HBB: variants seen among roughly 807,000 people sequenced by gnomAD.
The protein encoded by HBB is hemoglobin subunit beta.
A neutral mutation model predicts 9.7 loss-of-function variants in HBB; 18 were observed. The observed-to-expected ratio is 1.86, with a 90% CI of 1.28 to 2.76. HBB has a LOEUF of 2.76. Ranked by LOEUF, HBB falls within the 30% of genes most tolerant of loss-of-function variation. HBB has a pLI of 0.00. For synonymous variants in HBB, 99 were observed against 73.6 expected (o/e 1.35, Z -1.77); for missense variants, 156 against 177.0 (o/e 0.88, Z 0.67).
At chr11:5,225,782 C>T in intron 2 of HBB, 56 bp from the exon 3 acceptor site, 1 of 1,591,624 alleles carries the variant, frequency 6.3e-7, no homozygotes, top group Non-Finnish European at 8.6e-7. Flanking sequence ...CTAGCTTGGA[C>T]TCAGAATAAT....
In HBB at chr11:5,226,817, G is replaced by A. The variant is rs777028217; in HGVS notation, c.93-18C>T. On this transcript the variant is annotated intron_variant, in intron 1 of 2. Coordinates refer to ENST00000335295, the MANE Select transcript of HBB (RefSeq NM_000518.5). ...CCAGCAGCCTAAGGGTGGGAAAATA[G>A]ACCAATAGGCAGAGAGAGTCAGTGC... 28 of 1,610,306 alleles carry A rather than the reference G, an allele frequency of 1.7e-5. No homozygotes were observed. The highest frequency in any genetic ancestry group is 2.2e-5 in the Non-Finnish European group (26 of 1,176,706).
In HBB at chr11:5,227,070, G is replaced by A; in HGVS notation, c.-49C>T. On this transcript the variant is annotated 5_prime_UTR_variant, in exon 1 of 3. Coordinates refer to ENST00000335295, the MANE Select transcript of HBB (RefSeq NM_000518.5). ...GAACACAGTTGTGTCAGAAGCAAAT[G>A]TAAGCAATAGATGGCTCTGCCCTGA... 1.6e-6 allele frequency: 2 copies of A among 1,231,010 alleles called. No homozygotes were observed. The highest frequency in any genetic ancestry group is 2.4e-6 in the Non-Finnish European group (2 of 829,492). 76.3% of individuals were successfully genotyped at this position (1,231,010 alleles called of 1,614,324 possible).
Position 5,227,039 on chromosome 11 carries a change from G to A in HBB, c.-18C>T, listed in dbSNP as rs34135787. The A allele has an allele frequency of 6.7e-7, 1 of 1,498,848 alleles. No homozygotes were observed. Among genetic ancestry groups the A allele is most frequent in the African/African-American group, 1.4e-5 (1 of 72,640 alleles). The allele number at this position is 1,498,848 out of a possible 1,614,324, so 92.8% of individuals were successfully genotyped here. A position where few individuals can be genotyped will look rare whatever the true frequency, so the allele number is the denominator to read the frequency against. ...TGCACCATGGTGTCTGTTTGAGGTT[G>A]CTAGTGAACACAGTTGTGTCAGAAG... On this transcript the variant is annotated 5_prime_UTR_variant, in exon 1 of 3. Coordinates refer to ENST00000335295, the MANE Select transcript of HBB (RefSeq NM_000518.5).
In HBB at chr11:5,226,477, C is replaced by T. The variant is rs899975457; in HGVS notation, c.315+100G>A. ...ACTGATGCAATCATTCGTCTGTTTC[C>T]CATTCTAAACTGTACCCTGTTACTT... On this transcript the variant is annotated intron_variant, in intron 2 of 2. Coordinates refer to ENST00000335295, the MANE Select transcript of HBB (RefSeq NM_000518.5). 8 of 1,074,254 alleles carry T rather than the reference C, an allele frequency of 7.4e-6. No homozygotes were observed. The Admixed American group carries it at 1.5e-4, about 20-fold the overall frequency. 66.5% of individuals were successfully genotyped at this position (1,074,254 alleles called of 1,614,324 possible).
rs748704616 is a variant in HBB at position 5,225,630 on chromosome 11, C to T, written c.412G>A (p.Val138Met). 1 of 1,614,132 alleles carries T rather than the reference C, an allele frequency of 6.2e-7. No individual in the cohort carries two copies. The highest frequency in any genetic ancestry group is 1.1e-5 in the South Asian group (1 of 91,072). Reference protein sequence around the residue: ...QAAYQKVVAGVANALAHKYH With the variant: ...QAAYQKVVAGMANALAHKYH ...TACTTGTGGGCCAGGGCATTAGCCA[C>T]ACCAGCCACCACTTTCTGATAGGCA... is the stretch of plus-strand genomic sequence containing the variant. Residue 138 changes from valine (V) to methionine (M), a missense_variant, in exon 3 of 3, where the codon GTG becomes ATG. Transcript: ENST00000335295.
In HBB at chr11:5,225,923, G is replaced by A. The variant is rs34451549; in HGVS notation, c.316-197C>T. ...ATTTATATGCAGAGATATTGCTATT[G>A]CCTTAACCCAGAAATTATCACTGTT... On this transcript the variant is annotated intron_variant, in intron 2 of 2. Transcript: ENST00000335295. Among the ~76,000 whole-genome samples, 7 of 152,110 alleles carry A rather than the reference G, an allele frequency of 4.6e-5. No homozygotes were observed. The East Asian group carries it at 7.7e-4, about 17-fold the overall frequency.
In HBB at chr11:5,225,972, G is replaced by A. The variant is rs1589891810; in HGVS notation, c.316-246C>T. Reference sequence around the variant, plus strand: ...TTATTCTTTAGAATGGTGCAAAGAGGCATGATACATTGTATCATTATTGCC... The same window carrying A: ...TTATTCTTTAGAATGGTGCAAAGAGACATGATACATTGTATCATTATTGCC... On this transcript the variant is annotated intron_variant, in intron 2 of 2. Coordinates refer to ENST00000335295, the MANE Select transcript of HBB (RefSeq NM_000518.5). Among the ~76,000 whole-genome samples, 1 of 152,060 alleles carries A rather than the reference G, an allele frequency of 6.6e-6. No homozygotes were observed.
In HBB at chr11:5,226,829, G is replaced by C. The variant is rs752175922; in HGVS notation, c.93-30C>G. On this transcript the variant is annotated intron_variant, in intron 1 of 2. Transcript: ENST00000335295. The stretch of plus-strand genomic sequence containing the variant: ...GGGTGGGAAAATAGACCAATAGGCA[G>C]AGAGAGTCAGTGCCTATCAGAAACC... 5 of 1,596,094 alleles carry C rather than the reference G, an allele frequency of 3.1e-6. No homozygotes were observed. The African/African-American group carries it at 4.0e-5, about 13-fold the overall frequency.
In HBB at chr11:5,226,925, C is replaced by G. The variant is rs33915217; in HGVS notation, c.92+5G>C. 470 of 1,612,226 alleles carry G rather than the reference C, an allele frequency of 2.9e-4. 2 individuals carry two copies. In the South Asian group the frequency reaches 4.9e-3, roughly 17 times the overall value. On this transcript the variant is annotated splice_donor_5th_base_variant and intron_variant, in intron 1 of 2. Transcript: ENST00000335295. Reference sequence around the variant, plus strand: ...TTAAACCTGTCTTGTAACCTTGATACCAACCTGCCCAGGGCCTCACCACCA... The same window carrying G: ...TTAAACCTGTCTTGTAACCTTGATAGCAACCTGCCCAGGGCCTCACCACCA...
Position 5,225,635 on chromosome 11 carries a change from G to A in HBB, c.407C>T (p.Ala136Val), listed in dbSNP as rs35669628. The change falls in exon 3 of 3, where the codon GCT (alanine) becomes GTT (valine). Residue 136 changes from alanine to valine, a missense_variant. Physicochemically the swap from Ala to Val is moderately conservative, Grantham distance 64 (BLOSUM62 0). Coordinates refer to ENST00000335295, the MANE Select transcript of HBB (RefSeq NM_000518.5). ...GTGGGCCAGGGCATTAGCCACACCA[G>A]CCACCACTTTCTGATAGGCAGCCTG... ...PVQAAYQKVV[A>V]GVANALAHKY... 7 of 1,614,006 alleles carry A rather than the reference G, an allele frequency of 4.3e-6. No individual in the cohort carries two copies. In the South Asian group the frequency reaches 7.7e-5, roughly 18 times the overall value.
Position 5,225,496 on chromosome 11 carries a change from G to C in HBB, c.*102C>G, listed in dbSNP as rs1554917429. On this transcript the variant is annotated 3_prime_UTR_variant, in exon 3 of 3. Coordinates refer to ENST00000335295, the MANE Select transcript of HBB (RefSeq NM_000518.5). ...GAAAATAAATGTTTTTTATTAGGCAGAATCCAGATGCTCAAGGCCCTTCAT... is the reference window on the plus strand; with the variant it reads ...GAAAATAAATGTTTTTTATTAGGCACAATCCAGATGCTCAAGGCCCTTCAT... 1 of 1,073,746 alleles carries C rather than the reference G, an allele frequency of 9.3e-7. No individual in the cohort carries two copies. The highest frequency in any genetic ancestry group is 1.2e-5 in the South Asian group (1 of 80,028). 66.5% of individuals were successfully genotyped at this position (1,073,746 alleles called of 1,614,324 possible).
chr11:5,225,964 G>A lies in HBB; in HGVS notation c.316-238C>T, dbSNP rs558554234. ...TATCACTGTTATTCTTTAGAATGGT[G>A]CAAAGAGGCATGATACATTGTATCA... On this transcript the variant is annotated intron_variant, in intron 2 of 2. Coordinates refer to ENST00000335295, the MANE Select transcript of HBB (RefSeq NM_000518.5). 5.3e-4 allele frequency among the ~76,000 whole-genome samples: 80 copies of A among 152,242 alleles called. 2 individuals carry two copies. The South Asian group carries it at 0.016, about 31-fold the overall frequency.
In HBB at chr11:5,226,159, A is replaced by G. The variant is rs1847541989; in HGVS notation, c.315+418T>C. Reference sequence around the variant, plus strand: ...ACACTTTAACCCATAAATATGTATAATGATTATGTATCAATTAAAAATAAA... The same window carrying G: ...ACACTTTAACCCATAAATATGTATAGTGATTATGTATCAATTAAAAATAAA... On this transcript the variant is annotated intron_variant, in intron 2 of 2. Coordinates refer to ENST00000335295, the MANE Select transcript of HBB (RefSeq NM_000518.5). 1 of 301,162 alleles carries G rather than the reference A, an allele frequency of 3.3e-6. No individual in the cohort carries two copies. The allele number at this position is 301,162 out of a possible 1,614,324, so 18.7% of individuals were successfully genotyped here. A position where few individuals can be genotyped will look rare whatever the true frequency, so the allele number is the denominator to read the frequency against.
Position 5,226,771 on chromosome 11 carries a change from T to C in HBB, c.121A>G (p.Arg41Gly), listed in dbSNP as rs1469049809. The change falls in exon 2 of 3, where the codon AGG becomes GGG. Residue 41 changes from arginine (R) to glycine (G), a missense_variant. Arg to Gly is a moderately radical substitution (Grantham distance 125). Coordinates refer to ENST00000335295, the MANE Select transcript of HBB (RefSeq NM_000518.5). ...RLLVVYPWTQ[R>G]FFESFGDLST... ...AGATCCCCAAAGGACTCAAAGAACCTCTGGGTCCAAGGGTAGACCACCAGC... is the reference window on the plus strand; with the variant it reads ...AGATCCCCAAAGGACTCAAAGAACCCCTGGGTCCAAGGGTAGACCACCAGC... The C allele has an allele frequency of 6.2e-7, 1 of 1,614,010 alleles. No individual in the cohort carries two copies. Among genetic ancestry groups the C allele is most frequent in the Non-Finnish European group, 8.5e-7 (1 of 1,179,972 alleles).
At position 5,225,851 on chromosome 11, in the gene HBB, T is replaced by C. The variant is rs63751175; in HGVS notation, c.316-125A>G. ...ATGGTAGCTGGATTGTAGCTGCTATTAGCAATATGAAACCTCTTACATCAG... is the reference window on the plus strand; with the variant it reads ...ATGGTAGCTGGATTGTAGCTGCTATCAGCAATATGAAACCTCTTACATCAG... On this transcript the variant is annotated intron_variant, in intron 2 of 2. Coordinates refer to ENST00000335295, the MANE Select transcript of HBB (RefSeq NM_000518.5). 264 of 921,806 alleles carry C rather than the reference T, an allele frequency of 2.9e-4. 2 individuals carry two copies. The highest frequency in any genetic ancestry group is 2.0e-3 in the Admixed American group (105 of 53,600). 57.1% of individuals were successfully genotyped at this position (921,806 alleles called of 1,614,324 possible). A position where few individuals can be genotyped will look rare whatever the true frequency, so the allele number is the denominator to read the frequency against.
rs35198910 is a variant in HBB at position 5,226,995 on chromosome 11, C to T, written c.27G>A (p.Lys9=). The change falls in exon 1 of 3, where the codon AAG becomes AAA. Residue 9 remains lysine, a synonymous_variant. Coordinates refer to ENST00000335295, the MANE Select transcript of HBB (RefSeq NM_000518.5). ...TGCCCCACAGGGCAGTAACGGCAGACTTCTCCTCAGGAGTCAGATGCACCA... is the reference window on the plus strand; with the variant it reads ...TGCCCCACAGGGCAGTAACGGCAGATTTCTCCTCAGGAGTCAGATGCACCA... MVHLTPEE[K]SAVTALWGKV... 1.9e-6 allele frequency: 3 copies of T among 1,613,074 alleles called. No individual in the cohort carries two copies. The highest frequency in any genetic ancestry group is 1.3e-5 in the African/African-American group (1 of 74,896).
Position 5,226,918 on chromosome 11 carries a change from C to G in HBB, c.92+12G>C. The G allele has an allele frequency of 6.2e-7, 1 of 1,611,540 alleles. No individual in the cohort carries two copies. ...GGTCTCCTTAAACCTGTCTTGTAAC[C>G]TTGATACCAACCTGCCCAGGGCCTC... On this transcript the variant is annotated intron_variant, in intron 1 of 2. Coordinates refer to ENST00000335295, the MANE Select transcript of HBB (RefSeq NM_000518.5).
chr11:5,226,900 T>G (rs1589893221), intron 1 of HBB, 30 bp downstream of exon 1: 2 of 1,603,662 alleles, frequency 1.2e-6, no homozygotes, highest in Admixed American at 1.7e-5. Flanking sequence ...ATTGGTCTCC[T>G]TAAACCTGTC....
In HBB at chr11:5,225,525, A is replaced by G. The variant is rs1265505530; in HGVS notation, c.*73T>C. 5 of 1,421,742 alleles carry G rather than the reference A, an allele frequency of 3.5e-6. No homozygotes were observed. In the African/African-American group the frequency reaches 7.0e-5, roughly 20 times the overall value. The allele number at this position is 1,421,742 out of a possible 1,614,324, so 88.1% of individuals were successfully genotyped here. A position where few individuals can be genotyped will look rare whatever the true frequency, so the allele number is the denominator to read the frequency against. ...CCAGATGCTCAAGGCCCTTCATAAT[A>G]TCCCCCAGTTTAGTAGTTGGACTTA... On this transcript the variant is annotated 3_prime_UTR_variant, in exon 3 of 3. Coordinates refer to ENST00000335295, the MANE Select transcript of HBB (RefSeq NM_000518.5).
Sources: allele counts gnomAD v4.1 joint callset (sites outside exome capture counted in the v4.1 genomes callset), GRCh38; gene constraint gnomAD v4.1.1; transcripts MANE v1.5; gene names NCBI Gene and HGNC (gene_info 2026-07-23, HGNC 2026-07-21).